Variants in COL4A2 observed in about 807,000 individuals in gnomAD.
The protein encoded by COL4A2 is collagen type IV alpha 2 chain.
COL4A2 carries 99 observed loss-of-function variants against 200.2 expected under a neutral mutation model. That is an observed-to-expected ratio of 0.49 (90% confidence interval 0.42 to 0.58). The LOEUF (loss-of-function observed/expected upper bound fraction) is 0.58. COL4A2 is among the 20% of genes least tolerant of loss of function. COL4A2 has a pLI of 0.00. For missense variants in COL4A2, 1,950 were observed against 2,314.1 expected, an observed-to-expected ratio of 0.84 and a Z score of 3.23; for synonymous variants, 897 against 900.6, an observed-to-expected ratio of 1.00 and a Z score of 0.07.
intron 22 of COL4A2, among the ~76,000 whole-genome samples, chr13:110,460,757 CTG>C (rs1456829287): frequency 6.6e-6 from 1 of 152,130 alleles, no homozygotes; most frequent in Non-Finnish European, 1.5e-5. Flanking sequence ...TTTTTAATAT[CTG>C]TACTGGTAGA....
intron 4 of COL4A2, among the ~76,000 whole-genome samples, chr13:110,373,891 C>T (rs1878123724): frequency 6.6e-6 from 1 of 152,240 alleles, no homozygotes; most frequent in Admixed American, 6.5e-5. Flanking sequence ...TTTTTACCCC[C>T]TTTTGGATGC....
In COL4A2 at chr13:110,439,822, C is replaced by G. The variant is rs369491516; in HGVS notation, c.946C>G (p.Pro316Ala). 6.8e-6 allele frequency: 11 copies of G among 1,613,826 alleles called. No individual in the cohort carries two copies. Among genetic ancestry groups the G allele is most frequent in the African/African-American group, 2.7e-5 (2 of 74,878 alleles). The change falls in exon 16 of 48, where the codon CCA (proline) becomes GCA (alanine). Residue 316 changes from proline to alanine, a missense_variant. Pro to Ala is a conservative substitution (Grantham distance 27, BLOSUM62 -1). Around this residue, in one of 2 missense-constraint regions of COL4A2, gnomAD observed 565 missense variants for 593.5 expected, o/e 0.95. Transcript: ENST00000360467. ...TGGCTTGAGTGGTGAAAAAGGATCA[C>G]CAGGACAGAAGGTAAGTTGGATGCA... ...YPGLSGEKGSPGQKGSRGLDG... is the reference protein window; with the variant it reads ...YPGLSGEKGSAGQKGSRGLDG...
intron 3 of COL4A2, among the ~76,000 whole-genome samples, chr13:110,323,513 T>A (rs548465406): frequency 6.6e-6 from 1 of 152,220 alleles, no homozygotes; most frequent in African/African-American, 2.4e-5. Context: ...AGAATGAGTG[T>A]CTGGGAAGCT....
chr13:110,462,584 T>C, intron 24 of COL4A2, 200 bp downstream of exon 24: 1 of 569,098 alleles, frequency 1.8e-6, no homozygotes, highest in Non-Finnish European at 3.1e-6. Context: ...GAAGCCAAGC[T>C]CCAAATGAAC....
At chr13:110,357,702 G>A (rs1037417481) in intron 4 of COL4A2, 150 bp downstream of exon 4, 42 of 1,209,634 alleles carry the variant, frequency 3.5e-5, no homozygotes, top group African/African-American at 4.6e-5. Context: ...CTAGATGGCC[G>A]GGCCTACTAC....
At chr13:110,432,176 T>C (rs1880707546) in intron 10 of COL4A2, 149 bp from the exon 11 acceptor site, 2 of 1,040,882 alleles carry the variant, frequency 1.9e-6, no homozygotes, top group Non-Finnish European at 2.5e-6. Flanking sequence ...GCATGTCATC[T>C]CTGCCAAGCC....
At chr13:110,468,853 A>G (rs1020951410) in intron 27 of COL4A2, among the ~76,000 whole-genome samples, 1 of 152,130 alleles carries the variant, frequency 6.6e-6, no homozygotes, top group African/African-American at 2.4e-5. Flanking sequence ...GAGGCAGGCG[A>G]TCCTTCTCCC....
intron 4 of COL4A2, among the ~76,000 whole-genome samples, chr13:110,379,051 C>T (rs891909394): frequency 2.0e-5 from 3 of 152,192 alleles, no homozygotes; most frequent in Admixed American, 6.5e-5. Flanking sequence ...TGCCTAGTTC[C>T]GCAGGCACGG....
At chr13:110,477,390 T>C (rs1277356926) in intron 29 of COL4A2, among the ~76,000 whole-genome samples, 2 of 152,216 alleles carry the variant, frequency 1.3e-5, no homozygotes, top group Non-Finnish European at 2.9e-5. Context: ...GTAGAATAAA[T>C]GGGTTTAGAC....
chr13:110,445,998 C>T, intron 17 of COL4A2, 116 bp downstream of exon 17: 1 of 1,058,846 alleles, frequency 9.4e-7, no homozygotes, highest in Non-Finnish European at 1.5e-6. Context: ...AGTACAAGAT[C>T]CCCAAATACA....
intron 4 of COL4A2, among the ~76,000 whole-genome samples, chr13:110,393,414 C>T (rs1005824999): frequency 1.3e-5 from 2 of 152,096 alleles, no homozygotes; most frequent in African/African-American, 4.8e-5. Flanking sequence ...TTTATGAATA[C>T]AATCCAGTAT....
chr13:110,382,088 A>G (rs1268016509), intron 4 of COL4A2, among the ~76,000 whole-genome samples: 1 of 152,206 alleles, frequency 6.6e-6, no homozygotes, highest in Non-Finnish European at 1.5e-5. Flanking sequence ...CTTTAAGATC[A>G]GAAAATAGAA....
chr13:110,459,544 G>A (rs1385953322), intron 22 of COL4A2: 1 of 141,748 alleles, frequency 7.1e-6, no homozygotes, highest in African/African-American at 2.6e-5. Context: ...GAAACAGGAA[G>A]TCGATTGGTG....
chr13:110,364,380 C>T (rs186357523), intron 4 of COL4A2, among the ~76,000 whole-genome samples: 2 of 152,290 alleles, frequency 1.3e-5, no homozygotes, highest in Non-Finnish European at 2.9e-5. Context: ...CAAACTGGCC[C>T]ATTATCTATC....
chr13:110,362,180 T>A (rs1421340650), intron 4 of COL4A2, among the ~76,000 whole-genome samples: 1 of 152,228 alleles, frequency 6.6e-6, no homozygotes, highest in East Asian at 1.9e-4. Flanking sequence ...ACTTCTTCAG[T>A]TGTTTTGTGG....
intron 37 of COL4A2, among the ~76,000 whole-genome samples, 184 bp downstream of exon 37, chr13:110,491,524 G>A (rs937582189): frequency 1.8e-4 from 28 of 152,202 alleles, no homozygotes; most frequent in African/African-American, 2.2e-4. Context: ...CACCTGGGCT[G>A]GGGGGAGACC....
At chr13:110,339,446 C>T (rs1219009167) in intron 3 of COL4A2, among the ~76,000 whole-genome samples, 2 of 152,102 alleles carry the variant, frequency 1.3e-5, no homozygotes, top group Non-Finnish European at 2.9e-5. Flanking sequence ...GCTTCCCTGA[C>T]CTTGGAAGCC....
intron 4 of COL4A2, among the ~76,000 whole-genome samples, chr13:110,363,303 G>T (rs181051309): frequency 6.6e-6 from 1 of 152,206 alleles, no homozygotes; most frequent in Non-Finnish European, 1.5e-5. Flanking sequence ...AGCAGTGGCT[G>T]AGTGCTTAGG....
intron 3 of COL4A2, among the ~76,000 whole-genome samples, chr13:110,325,958 G>T (rs1220406501): frequency 6.6e-6 from 1 of 151,904 alleles, no homozygotes; most frequent in East Asian, 1.9e-4. Context: ...TAATTTTTTG[G>T]TATTTTTAGT....
Sources: allele counts gnomAD v4.1 joint callset (sites outside exome capture counted in the v4.1 genomes callset), GRCh38; gene constraint gnomAD v4.1.1; regional missense constraint gnomAD v4.1.1; transcripts MANE v1.5; gene names NCBI Gene and HGNC (gene_info 2026-07-23, HGNC 2026-07-21).